The following ELMO1 variants were observed in gnomAD, a reference collection of about 807,000 sequenced individuals.
ELMO1 encodes engulfment and cell motility 1.
Under a neutral mutation model 98.9 loss-of-function variants are expected in ELMO1, and 26 were observed. The observed-to-expected ratio is 0.26, with a 90% CI of 0.19 to 0.36. ELMO1 has a LOEUF of 0.36. Ranked by LOEUF, ELMO1 falls within the 10% of genes least tolerant of loss-of-function variation. ELMO1 has a pLI of 1.00. For synonymous variants in ELMO1, 346 were observed against 346.0 expected, an observed-to-expected ratio of 1.00 and a Z score of 0.00; for missense variants, 627 against 935.2, an observed-to-expected ratio of 0.67 and a Z score of 4.30.
At chr7:37,241,065 A>G (rs1472571986) in intron 7 of ELMO1, among the ~76,000 whole-genome samples, 1 of 152,068 alleles carries the variant, frequency 6.6e-6, no homozygotes, top group Non-Finnish European at 1.5e-5. Flanking sequence ...AAAATCATCA[A>G]CTATGCTGAT....
chr7:36,860,609 T>C (rs1802552971), intron 21 of ELMO1, among the ~76,000 whole-genome samples: 1 of 152,234 alleles, frequency 6.6e-6, no homozygotes, highest in Non-Finnish European at 1.5e-5. Flanking sequence ...AAAGTTCTAC[T>C]ATTTTAAGTA....
chr7:36,915,094 A>AAT (rs888366323), intron 16 of ELMO1, among the ~76,000 whole-genome samples: 7 of 151,996 alleles, frequency 4.6e-5, no homozygotes, highest in Non-Finnish European at 7.4e-5. Context: ...CTAATTAAAA[A>AAT]ATATATATAC....
At position 37,033,944 on chromosome 7, in the gene ELMO1, A is replaced by G. The variant is rs151329563; in HGVS notation, c.1301-20509T>C. ...CTCAATTAGGTTTAAGATAAGAGAG[A>G]CAGTGCTGTGCCAAAAAAAAATTAG... On this transcript the variant is annotated intron_variant, in intron 15 of 21. Transcript: ENST00000310758. Among the ~76,000 whole-genome samples, 208 of 152,350 alleles carry G rather than the reference A, an allele frequency of 1.4e-3. 3 individuals are homozygous for G. In the East Asian group the frequency reaches 0.024, roughly 18 times the overall value.
At chr7:37,401,850 C>G (rs1803550956) in intron 1 of ELMO1, among the ~76,000 whole-genome samples, 2 of 152,160 alleles carry the variant, frequency 1.3e-5, no homozygotes, top group Non-Finnish European at 2.9e-5. Context: ...GACTCCTTCC[C>G]TATACCCAAA....
chr7:37,315,044 C>T (rs1013680901), intron 3 of ELMO1, 122 bp from the exon 4 acceptor site: 10 of 788,822 alleles, frequency 1.3e-5, no homozygotes, highest in Middle Eastern at 7.2e-4. Flanking sequence ...CCAACATATA[C>T]CACAATGCAG....
At chr7:37,154,168 G>A (rs930196871) in intron 13 of ELMO1, among the ~76,000 whole-genome samples, 4 of 152,142 alleles carry the variant, frequency 2.6e-5, no homozygotes, top group Admixed American at 2.0e-4. Flanking sequence ...GGTCACCAAC[G>A]TCAAAGACCA....
intron 16 of ELMO1, among the ~76,000 whole-genome samples, chr7:36,972,828 T>TG (rs1476886191): frequency 3.3e-5 from 5 of 152,192 alleles, no homozygotes; most frequent in Non-Finnish European, 7.3e-5. Flanking sequence ...CTAGGCTGGA[T>TG]GGAGTACAAT....
chr7:37,430,106 A>G (rs1359101022), intron 1 of ELMO1, among the ~76,000 whole-genome samples: 1 of 152,228 alleles, frequency 6.6e-6, no homozygotes, highest in Non-Finnish European at 1.5e-5. Context: ...GACAACAGTT[A>G]GGTTCAGCCC....
intron 5 of ELMO1, among the ~76,000 whole-genome samples, chr7:37,267,060 CACACACA>C (rs1796302649): frequency 1.4e-5 from 2 of 142,840 alleles, no homozygotes; most frequent in Admixed American, 7.3e-5. Context: ...CACACACACA[CACACACA>C]CACACACACA....
intron 16 of ELMO1, among the ~76,000 whole-genome samples, chr7:36,922,578 C>G (rs1244929410): frequency 2.0e-5 from 3 of 151,570 alleles, no homozygotes; most frequent in Non-Finnish European, 4.4e-5. Context: ...GATGACTTGA[C>G]AGAGAAGGGA....
intron 1 of ELMO1, chr7:37,376,059 C>T (rs1802327747): frequency 8.0e-6 from 3 of 377,024 alleles, no homozygotes; most frequent in South Asian, 7.4e-5. Context: ...AATAAACTTA[C>T]AGCCAAAAAA....
At chr7:36,893,173 T>C (rs577153124) in intron 17 of ELMO1, among the ~76,000 whole-genome samples, 5 of 152,236 alleles carry the variant, frequency 3.3e-5, no homozygotes, top group East Asian at 1.9e-4. Context: ...TAAGACTTAT[T>C]ATGGAAAGCA....
intron 2 of ELMO1, among the ~76,000 whole-genome samples, chr7:37,316,801 C>T (rs1230135588): frequency 6.6e-6 from 1 of 152,128 alleles, no homozygotes; most frequent in African/African-American, 2.4e-5. Context: ...ATGGACAATA[C>T]ATGGTCCTGG....
At chr7:37,410,889 CA>C (rs1803968838) in intron 1 of ELMO1, among the ~76,000 whole-genome samples, 1 of 152,180 alleles carries the variant, frequency 6.6e-6, no homozygotes, top group African/African-American at 2.4e-5. Context: ...TATGCTGTGA[CA>C]CTTTTTGTCA....
At chr7:36,934,345 C>A (rs956203063) in intron 16 of ELMO1, among the ~76,000 whole-genome samples, 2 of 152,230 alleles carry the variant, frequency 1.3e-5, no homozygotes, top group African/African-American at 4.8e-5. Context: ...CAAGGGCTGA[C>A]AACATCTGCC....
chr7:37,339,727 G>C (rs570976061), intron 2 of ELMO1, among the ~76,000 whole-genome samples: 2 of 152,122 alleles, frequency 1.3e-5, no homozygotes, highest in African/African-American at 2.4e-5. Flanking sequence ...ATTAGGAACT[G>C]GGTTCCTAAT....
chr7:37,447,415 G>A (rs1204513393), intron 1 of ELMO1, among the ~76,000 whole-genome samples: 1 of 151,928 alleles, frequency 6.6e-6, no homozygotes, highest in Non-Finnish European at 1.5e-5. Flanking sequence ...TCCAGCGCGG[G>A]GGGCATCCCA....
At chr7:37,391,515 C>T (rs150949940) in intron 1 of ELMO1, among the ~76,000 whole-genome samples, 27 of 152,288 alleles carry the variant, frequency 1.8e-4, no homozygotes, top group African/African-American at 6.3e-4. Context: ...CTCTTATGTT[C>T]GACCAGTGTA....
At chr7:36,963,997 T>C (rs1159778381) in intron 16 of ELMO1, among the ~76,000 whole-genome samples, 2 of 152,166 alleles carry the variant, frequency 1.3e-5, no homozygotes, top group Non-Finnish European at 2.9e-5. Context: ...AAACTAATAT[T>C]TGTATCTGCT....
Sources: gnomAD v4.1 joint callset for allele counts (sites outside exome capture counted in the v4.1 genomes callset) on GRCh38, gnomAD v4.1.1 for gene constraint, MANE v1.5 for transcripts, NCBI Gene and HGNC (gene_info 2026-07-23, HGNC 2026-07-21) for gene names.